Variants in IGF1R observed in about 807,000 individuals in gnomAD.
IGF1R encodes the protein insulin like growth factor 1 receptor.
IGF1R carries 44 observed loss-of-function variants against 144.6 expected under a neutral mutation model. That is an observed-to-expected ratio of 0.30 (90% CI 0.24 to 0.39). The LOEUF (loss-of-function observed/expected upper bound fraction) is 0.39. Among genes scored for constraint, IGF1R ranks in the 10% least tolerant of loss-of-function variants. IGF1R has a pLI of 1.00. For missense variants in IGF1R, 1,355 were observed against 1,833.7 expected, an observed-to-expected ratio of 0.74 and a Z score of 4.77; for synonymous variants, 795 against 722.8, an observed-to-expected ratio of 1.10 and a Z score of -1.60.
At chr15:98,864,280 A>G (rs940868118) in intron 2 of IGF1R, among the ~76,000 whole-genome samples, 1 of 152,214 alleles carries the variant, frequency 6.6e-6, no homozygotes, top group Admixed American at 6.5e-5. Context: ...CATTACCAAC[A>G]TGGCAAACAA....
chr15:98,765,102 A>G (rs529368712), intron 2 of IGF1R, among the ~76,000 whole-genome samples: 1 of 152,230 alleles, frequency 6.6e-6, no homozygotes, highest in African/African-American at 2.4e-5. Context: ...CACTTAGCAT[A>G]ATATTTTTAA....
chr15:98,690,447 C>T (rs574137688), intron 1 of IGF1R, among the ~76,000 whole-genome samples: 1 of 152,368 alleles, frequency 6.6e-6, no homozygotes, highest in East Asian at 1.9e-4. Flanking sequence ...TTCTTCCCCC[C>T]TGCTTCCCAA....
At chr15:98,745,385 A>G (rs2054839208) in intron 2 of IGF1R, among the ~76,000 whole-genome samples, 1 of 152,140 alleles carries the variant, frequency 6.6e-6, no homozygotes, top group Admixed American at 6.5e-5. Context: ...ATCGCTGACT[A>G]CCTGTTACAG....
intron 2 of IGF1R, among the ~76,000 whole-genome samples, chr15:98,830,585 T>C (rs1181098532): frequency 6.6e-6 from 1 of 151,676 alleles, no homozygotes; most frequent in Non-Finnish European, 1.5e-5. Flanking sequence ...TCAAGCATGG[T>C]TCCAACATCT....
At chr15:98,871,893 G>A (rs919480280) in intron 2 of IGF1R, among the ~76,000 whole-genome samples, 5 of 152,198 alleles carry the variant, frequency 3.3e-5, no homozygotes, top group Admixed American at 1.3e-4. Flanking sequence ...AGTTATTTAG[G>A]AGCACATTGT....
rs894263243 is a variant in IGF1R at position 98,963,786 on chromosome 15, C to T, written c.*6344C>T. ...GCAGAACCCCGAAGATACGTATTTC[C>T]AATACAGAAAAGAATTTTTAATAAA... On this transcript the variant is annotated 3_prime_UTR_variant, in exon 21 of 21. Coordinates refer to ENST00000650285, the MANE Select transcript of IGF1R (RefSeq NM_000875.5). 1 of 232,864 alleles carries T rather than the reference C, an allele frequency of 4.3e-6. No homozygotes were observed. The highest frequency in any genetic ancestry group is 8.5e-6 in the Non-Finnish European group (1 of 117,832). 14.4% of individuals were successfully genotyped at this position (232,864 alleles called of 1,614,324 possible).
Position 98,776,529 on chromosome 15 carries a change from A to G in IGF1R, c.640+68422A>G, listed in dbSNP as rs1448551090. Among the ~76,000 whole-genome samples, 3 of 152,064 alleles carry G rather than the reference A, an allele frequency of 2.0e-5. No individual in the cohort carries two copies. The East Asian group carries it at 5.8e-4, about 29-fold the overall frequency. Reference sequence around the variant, plus strand: ...AAAGAAACTTACTAGTTATCAGGACACTTGTGTTCTTGGTACTTGATTTTG... The same window carrying G: ...AAAGAAACTTACTAGTTATCAGGACGCTTGTGTTCTTGGTACTTGATTTTG... On this transcript the variant is annotated intron_variant, in intron 2 of 20. Coordinates refer to ENST00000650285, the MANE Select transcript of IGF1R (RefSeq NM_000875.5).
chr15:98,892,989 C>T (rs1272263198), intron 3 of IGF1R, among the ~76,000 whole-genome samples: 1 of 152,208 alleles, frequency 6.6e-6, no homozygotes, highest in Non-Finnish European at 1.5e-5. Context: ...TGCACTCCAG[C>T]ACAGGCAACA....
At chr15:98,796,036 A>G (rs1345846799) in intron 2 of IGF1R, among the ~76,000 whole-genome samples, 1 of 152,136 alleles carries the variant, frequency 6.6e-6, no homozygotes. Flanking sequence ...TGCCTGCTCC[A>G]TCTGGCTGAT....
rs2017182743 is a variant in IGF1R, at chr15:98,960,555, A to AG, written c.*3116dup. 8.6e-6 allele frequency: 2 copies of AG among 233,372 alleles called. No homozygotes were observed. The highest frequency in any genetic ancestry group is 1.7e-5 in the Non-Finnish European group (2 of 118,196). 14.5% of individuals were successfully genotyped at this position (233,372 alleles called of 1,614,324 possible). A position where few individuals can be genotyped will look rare whatever the true frequency, so the allele number is the denominator to read the frequency against. On this transcript the variant is annotated 3_prime_UTR_variant, in exon 21 of 21. Coordinates refer to ENST00000650285, the MANE Select transcript of IGF1R (RefSeq NM_000875.5). ...CAGCACCATCTCTGTGCGAATCCCC[A>AG]GGGTAAAGGCGTGGGGCATTGGGTT...
chr15:98,956,491 G>A (rs544707842), intron 20 of IGF1R, among the ~76,000 whole-genome samples: 28 of 152,324 alleles, frequency 1.8e-4, no homozygotes, highest in African/African-American at 4.6e-4. Context: ...GCATTTCTTC[G>A]TGTTGCAAGC....
intron 11 of IGF1R, among the ~76,000 whole-genome samples, chr15:98,923,170 C>T (rs1019669462): frequency 1.3e-5 from 2 of 152,216 alleles, no homozygotes; most frequent in Non-Finnish European, 2.9e-5. Context: ...GTGCCTTTTC[C>T]GGCTGTAACT....
chr15:98,777,155 A>G (rs2055738999), intron 2 of IGF1R, among the ~76,000 whole-genome samples: 1 of 152,000 alleles, frequency 6.6e-6, no homozygotes, highest in African/African-American at 2.4e-5. Flanking sequence ...GCAGGGGGCC[A>G]GGCAGGAGGG....
At chr15:98,671,766 A>C (rs1023934627) in intron 1 of IGF1R, among the ~76,000 whole-genome samples, 1 of 152,162 alleles carries the variant, frequency 6.6e-6, no homozygotes, top group African/African-American at 2.4e-5. Context: ...TTTTGCTTAA[A>C]AGTGGCCATT....
intron 17 of IGF1R, among the ~76,000 whole-genome samples, chr15:98,937,996 C>T (rs2016220940): frequency 6.6e-6 from 1 of 152,178 alleles, no homozygotes; most frequent in Admixed American, 6.5e-5. Context: ...CTTTGACAGC[C>T]TGTTCAGAAT....
intron 2 of IGF1R, among the ~76,000 whole-genome samples, chr15:98,764,795 A>C (rs933760919): frequency 6.6e-6 from 1 of 152,192 alleles, no homozygotes; most frequent in Non-Finnish European, 1.5e-5. Context: ...TTGTTTAAAA[A>C]ATTTTTTTAT....
At chr15:98,667,495 G>A (rs1384172133) in intron 1 of IGF1R, among the ~76,000 whole-genome samples, 2 of 152,208 alleles carry the variant, frequency 1.3e-5, no homozygotes, top group African/African-American at 4.8e-5. Context: ...GGAGGGACGC[G>A]CTGCTAGAGA....
At chr15:98,832,722 C>G (rs1011341343) in intron 2 of IGF1R, among the ~76,000 whole-genome samples, 1 of 152,108 alleles carries the variant, frequency 6.6e-6, no homozygotes, top group Non-Finnish European at 1.5e-5. Flanking sequence ...AGTTAATTAC[C>G]TTATGCTAAG....
chr15:98,777,163 G>C (rs1028933793), intron 2 of IGF1R, among the ~76,000 whole-genome samples: 1 of 152,212 alleles, frequency 6.6e-6, no homozygotes, highest in African/African-American at 2.4e-5. Flanking sequence ...CCAGGCAGGA[G>C]GGGCGGGTGT....
Sources: allele counts gnomAD v4.1 joint callset (sites outside exome capture counted in the v4.1 genomes callset), GRCh38; gene constraint gnomAD v4.1.1; transcripts MANE v1.5; gene names NCBI Gene and HGNC (gene_info 2026-07-23, HGNC 2026-07-21).